SNAI1: variants seen among roughly 807,000 people sequenced by gnomAD.
SNAI1 encodes the protein zinc finger protein SNAI1.
In SNAI1, 15 loss-of-function variants were observed where a neutral mutation model predicts 24.7. That is an observed-to-expected ratio of 0.61 (90% CI 0.41 to 0.93). The LOEUF (loss-of-function observed/expected upper bound fraction) is 0.93, where lower values mean the gene tolerates loss of function less well. Ranked by LOEUF, SNAI1 falls within the 40% of genes least tolerant of loss-of-function variation. The pLI, the probability that SNAI1 is intolerant of heterozygous loss-of-function variation, is 0.00. For missense variants in SNAI1, 283 were observed against 336.7 expected (o/e 0.84, Z 1.25); for synonymous variants, 163 against 142.9 (o/e 1.14, Z -1.00).
Position 49,984,215 on chromosome 20 carries a change from C to G in SNAI1, c.474C>G (p.Tyr158Ter). 6.2e-7 allele frequency: 1 copy of G among 1,614,244 alleles called. No individual in the cohort carries two copies. Among genetic ancestry groups the G allele is most frequent in the Non-Finnish European group, 8.5e-7 (1 of 1,180,046 alleles). Residue 158 changes from tyrosine to a stop codon, truncating the protein, a stop_gained, in exon 2 of 3, where the codon TAC (tyrosine) becomes TAG (stop). Transcript: ENST00000244050. LOFTEE classifies it high-confidence loss of function. The part of the protein sequence containing the change: ...LQARKAFNCK[Y>*]CNKEYLSLGA... ...CTCGAAAGGCCTTCAACTGCAAATA[C>G]TGCAACAAGGAATACCTCAGCCTGG... is the stretch of plus-strand genomic sequence containing the variant.
Position 49,984,147 on chromosome 20 carries a change from C to T in SNAI1, c.406C>T (p.Pro136Ser), listed in dbSNP as rs1257870837. ...YAAFPGLGQV[P>S]KQLAQLSEAK... ...TGCCTTCCCAGGCTTGGGCCAAGTG[C>T]CCAAGCAGCTGGCCCAGCTCTCTGA... is the stretch of plus-strand genomic sequence containing the variant. The change falls in exon 2 of 3, where the codon CCC becomes TCC. Residue 136 changes from proline to serine, a missense_variant. Pro to Ser is a moderately conservative substitution (Grantham distance 74, BLOSUM62 -1). Coordinates refer to ENST00000244050, the MANE Select transcript of SNAI1 (RefSeq NM_005985.4). 3 of 1,614,128 alleles carry T rather than the reference C, an allele frequency of 1.9e-6. No individual in the cohort carries two copies. In the Admixed American group the frequency reaches 5.0e-5, roughly 27 times the overall value.
rs746508066 is a variant in SNAI1 at position 49,984,271 on chromosome 20, C to T, written c.530C>T (p.Thr177Met). 19 of 1,613,982 alleles carry T rather than the reference C, an allele frequency of 1.2e-5. No individual in the cohort carries two copies. The highest frequency in any genetic ancestry group is 1.5e-5 in the Non-Finnish European group (18 of 1,180,012). The change falls in exon 2 of 3, where the codon ACG becomes ATG. Residue 177 changes from threonine (T) to methionine (M), a missense_variant. Coordinates refer to ENST00000244050, the MANE Select transcript of SNAI1 (RefSeq NM_005985.4). ...GALKMHIRSH[T>M]LPCVCGTCGK... Reference sequence around the variant, plus strand: ...CTCAAGATGCACATCCGAAGCCACACGCTGCCCTGCGTCTGCGGAACCTGC... The same window carrying T: ...CTCAAGATGCACATCCGAAGCCACATGCTGCCCTGCGTCTGCGGAACCTGC...
chr20:49,983,077 C>T lies in SNAI1; in HGVS notation c.18C>T (p.Leu6=), dbSNP rs780596210. ...CGACCACTATGCCGCGCTCTTTCCTCGTCAGGAAGCCCTCCGACCCCAATC... is the reference window on the plus strand; with the variant it reads ...CGACCACTATGCCGCGCTCTTTCCTTGTCAGGAAGCCCTCCGACCCCAATC... MPRSF[L]VRKPSDPNRK... is the part of the protein sequence containing the mutation. The change falls in exon 1 of 3, where the codon CTC becomes CTT. Residue 6 remains leucine, a synonymous_variant. Transcript: ENST00000244050. 2.9e-5 allele frequency: 46 copies of T among 1,613,744 alleles called. No individual in the cohort carries two copies. The highest frequency in any genetic ancestry group is 3.6e-5 in the Non-Finnish European group (42 of 1,179,916).
intron 2 of SNAI1, among the ~76,000 whole-genome samples, chr20:49,985,838 G>T (rs1057217933): frequency 6.6e-6 from 1 of 152,226 alleles, no homozygotes; most frequent in Non-Finnish European, 1.5e-5. Flanking sequence ...TGTCCCCGCC[G>T]GCCTGGTGCC....
At chr20:49,986,576 T>A (rs999840630) in intron 2 of SNAI1, among the ~76,000 whole-genome samples, 6 of 152,088 alleles carry the variant, frequency 3.9e-5, no homozygotes, top group African/African-American at 7.2e-5. Flanking sequence ...GCATGTTTTT[T>A]AAAAAGACTA....
chr20:49,983,766 T>G, intron 1 of SNAI1, 58 bp from the exon 2 acceptor site: 23 of 1,474,374 alleles, frequency 1.6e-5, no homozygotes, highest in Non-Finnish European at 2.0e-5. Context: ...GGTGGGCTCA[T>G]GTTTGTTGAT....
chr20:49,984,161 C>A lies in SNAI1; in HGVS notation c.420C>A (p.Ala140=). ...PGLGQVPKQL[A]QLSEAKDLQA... The stretch of plus-strand genomic sequence containing the variant: ...TGGGCCAAGTGCCCAAGCAGCTGGC[C>A]CAGCTCTCTGAGGCCAAGGATCTCC... Residue 140 remains alanine (A), a synonymous_variant, in exon 2 of 3, where the codon GCC becomes GCA. Transcript: ENST00000244050. 1 of 1,614,226 alleles carries A rather than the reference C, an allele frequency of 6.2e-7. No individual in the cohort carries two copies. The highest frequency in any genetic ancestry group is 8.5e-7 in the Non-Finnish European group (1 of 1,180,052).
intron 2 of SNAI1, among the ~76,000 whole-genome samples, chr20:49,984,855 G>A (rs1170847826): frequency 6.6e-6 from 1 of 152,220 alleles, no homozygotes; most frequent in Non-Finnish European, 1.5e-5. Flanking sequence ...CTAAATGCAG[G>A]AATGCATATG....
intron 2 of SNAI1, 24 bp from the exon 3 acceptor site, chr20:49,987,848 G>T (rs1422171117): frequency 1.9e-6 from 3 of 1,612,072 alleles, no homozygotes; most frequent in South Asian, 2.2e-5. Flanking sequence ...GGCTCACTCG[G>T]CCTTTCTGGC....
At position 49,983,974 on chromosome 20, in the gene SNAI1, G is replaced by A. The variant is rs748041292; in HGVS notation, c.233G>A (p.Arg78Gln). The A allele has an allele frequency of 4.3e-6, 7 of 1,613,500 alleles. 1 individual carries two copies. Among genetic ancestry groups the A allele is most frequent in the Admixed American group, 3.3e-5 (2 of 59,980 alleles). ...QAQPIAWASL[R>Q]LQESPRVAEL... is the part of the protein sequence containing the mutation. Reference sequence around the variant, plus strand: ...CAGCCAATTGCCTGGGCCTCCCTTCGGCTCCAGGAGAGTCCCAGGGTGGCA... The same window carrying A: ...CAGCCAATTGCCTGGGCCTCCCTTCAGCTCCAGGAGAGTCCCAGGGTGGCA... Residue 78 changes from arginine to glutamine, a missense_variant, in exon 2 of 3, where the codon CGG (arginine) becomes CAG (glutamine). Coordinates refer to ENST00000244050, the MANE Select transcript of SNAI1 (RefSeq NM_005985.4).
At chr20:49,987,071 C>T (rs921369980) in intron 2 of SNAI1, among the ~76,000 whole-genome samples, 4 of 152,346 alleles carry the variant, frequency 2.6e-5, no homozygotes, top group African/African-American at 4.8e-5. Context: ...CACAGGTTTC[C>T]GTAGCCTCTT....
At chr20:49,987,613 G>C (rs529766757) in intron 2 of SNAI1, among the ~76,000 whole-genome samples, 1 of 152,152 alleles carries the variant, frequency 6.6e-6, no homozygotes, top group African/African-American at 2.4e-5. Flanking sequence ...CCCTATGAGT[G>C]GGGGGTGAAT....
In SNAI1 at chr20:49,983,144, G is replaced by T. The variant is rs929916933; in HGVS notation, c.82+3G>T. 1 of 1,611,528 alleles carries T rather than the reference G, an allele frequency of 6.2e-7. No individual in the cohort carries two copies. Among genetic ancestry groups the T allele is most frequent in the South Asian group, 1.1e-5 (1 of 90,948 alleles). Reference sequence around the variant, plus strand: ...CGAGCTGCAGGACTCTAATCCAGGTGCGTTGGAGGGGTTCTGGGCTCCAGG... The same window carrying T: ...CGAGCTGCAGGACTCTAATCCAGGTTCGTTGGAGGGGTTCTGGGCTCCAGG... On this transcript the variant is annotated splice_donor_region_variant and intron_variant, in intron 1 of 2. Coordinates refer to ENST00000244050, the MANE Select transcript of SNAI1 (RefSeq NM_005985.4).
intron 1 of SNAI1, among the ~76,000 whole-genome samples, chr20:49,983,363 G>C (rs927830975): frequency 6.6e-6 from 1 of 150,868 alleles, no homozygotes; most frequent in Non-Finnish European, 1.5e-5. Flanking sequence ...CTTCAGCTTG[G>C]GGGGCCTTTG....
Position 49,983,035 on chromosome 20 carries a change from C to G in SNAI1, c.-25C>G, listed in dbSNP as rs1216795357. ...TCTTCTGCGCTACTGCTGCGCGAAT[C>G]GGCGACCCCAGTGCCTCGACCACTA... On this transcript the variant is annotated 5_prime_UTR_variant, in exon 1 of 3. In the 5' UTR this introduces an upstream ATG that the reference lacks. Transcript: ENST00000244050. 1.3e-6 allele frequency: 2 copies of G among 1,594,002 alleles called. No homozygotes were observed. Among genetic ancestry groups the G allele is most frequent in the Non-Finnish European group, 1.7e-6 (2 of 1,164,352 alleles).
intron 2 of SNAI1, among the ~76,000 whole-genome samples, chr20:49,986,937 T>A (rs1024549576): frequency 1.3e-5 from 2 of 152,248 alleles, no homozygotes; most frequent in African/African-American, 4.8e-5. Context: ...CTCTGAGGCC[T>A]CTTTAATTTT....
intron 1 of SNAI1, 96 bp downstream of exon 1, chr20:49,983,237 A>T: frequency 1.1e-6 from 1 of 927,822 alleles, no homozygotes. Context: ...CTGAGCCAGG[A>T]TCGAGTCACA....
In SNAI1 at chr20:49,983,110, T is replaced by C; in HGVS notation, c.51T>C (p.Pro17=). The part of the protein sequence containing the change: ...VRKPSDPNRK[P]NYSELQDSNP... ...AGCCCTCCGACCCCAATCGGAAGCC[T>C]AACTACAGCGAGCTGCAGGACTCTA... The change falls in exon 1 of 3, where the codon CCT becomes CCC. Residue 17 remains proline (P), a synonymous_variant. Transcript: ENST00000244050. The C allele has an allele frequency of 6.2e-7, 1 of 1,613,764 alleles. No individual in the cohort carries two copies. The highest frequency in any genetic ancestry group is 8.5e-7 in the Non-Finnish European group (1 of 1,179,920).
chr20:49,987,208 T>TG (rs879920020), intron 2 of SNAI1, among the ~76,000 whole-genome samples: 1 of 139,514 alleles, frequency 7.2e-6, no homozygotes, highest in Non-Finnish European at 1.6e-5. Context: ...GCGCAGGAGG[T>TG]GGGGTGGTGA....
Sources: gnomAD v4.1 joint callset for allele counts (sites outside exome capture counted in the v4.1 genomes callset) on GRCh38, gnomAD v4.1.1 for gene constraint, MANE v1.5 for transcripts, NCBI Gene and HGNC (gene_info 2026-07-23, HGNC 2026-07-21) for gene names.